The following BBS9 variants were observed in gnomAD, a reference collection of about 807,000 sequenced individuals.
The protein encoded by BBS9 is protein PTHB1.
BBS9 carries 89 observed loss-of-function variants against 117.7 expected under a neutral mutation model. The observed-to-expected ratio is 0.76, with a 90% confidence interval of 0.64 to 0.90. The LOEUF is 0.90. BBS9 is among the 40% of genes least tolerant of loss of function. The pLI, the probability that BBS9 is intolerant of heterozygous loss-of-function variation, is 0.00. For missense variants in BBS9, 982 were observed against 1,042.2 expected (o/e 0.94, Z 0.80); for synonymous variants, 379 against 370.9 (o/e 1.02, Z -0.25).
chr7:33,523,198 T>A (rs1848915679), intron 20 of BBS9, among the ~76,000 whole-genome samples: 1 of 147,984 alleles, frequency 6.8e-6, no homozygotes, highest in Non-Finnish European at 1.5e-5. Flanking sequence ...TCCAGCTTTG[T>A]TCTTTTGGCT....
chr7:33,343,173 T>TA (rs891755540), intron 11 of BBS9, among the ~76,000 whole-genome samples: 12 of 152,042 alleles, frequency 7.9e-5, no homozygotes, highest in Admixed American at 5.9e-4. Context: ...ATACTTCAAG[T>TA]AAAAAAACGC....
intron 13 of BBS9, among the ~76,000 whole-genome samples, chr7:33,350,517 A>T (rs1057129217): frequency 1.2e-4 from 19 of 152,198 alleles, no homozygotes; most frequent in African/African-American, 4.1e-4. Flanking sequence ...TTAAGTGGCT[A>T]CTGTGTAACA....
intron 19 of BBS9, among the ~76,000 whole-genome samples, chr7:33,444,899 C>A (rs575645445): frequency 6.6e-6 from 1 of 152,114 alleles, no homozygotes; most frequent in Admixed American, 6.5e-5. Flanking sequence ...GAAAATTTTG[C>A]GAAAGCTCTT....
intron 5 of BBS9, among the ~76,000 whole-genome samples, chr7:33,182,639 AT>A (rs538962493): frequency 1.5e-3 from 223 of 152,274 alleles, no homozygotes; most frequent in African/African-American, 5.0e-3. Flanking sequence ...TATAGTCTTA[AT>A]TTTTTTATAA....
chr7:33,537,004 C>T (rs898470805), intron 21 of BBS9, among the ~76,000 whole-genome samples: 2 of 151,884 alleles, frequency 1.3e-5, no homozygotes, highest in Non-Finnish European at 2.9e-5. Flanking sequence ...GACTGGATTA[C>T]TGAATAAGCA....
chr7:33,581,506 G>C (rs1479435259), intron 21 of BBS9, among the ~76,000 whole-genome samples: 3 of 152,052 alleles, frequency 2.0e-5, no homozygotes, highest in Non-Finnish European at 4.4e-5. Context: ...GTGCAAGAAG[G>C]CTCATGTAAC....
intron 5 of BBS9, among the ~76,000 whole-genome samples, chr7:33,230,378 T>A (rs1792120461): frequency 6.6e-6 from 1 of 152,184 alleles, no homozygotes; most frequent in Admixed American, 6.5e-5. Context: ...AGTTTTATAG[T>A]TCCTGGTCTT....
chr7:33,420,688 T>A (rs1832728678), intron 19 of BBS9, among the ~76,000 whole-genome samples: 1 of 152,080 alleles, frequency 6.6e-6, no homozygotes, highest in Non-Finnish European at 1.5e-5. Context: ...CCATGGAAAC[T>A]TTTCCTGTGA....
intron 21 of BBS9, among the ~76,000 whole-genome samples, chr7:33,599,541 G>C (rs1342648606): frequency 1.3e-5 from 2 of 152,122 alleles, no homozygotes; most frequent in Non-Finnish European, 2.9e-5. Flanking sequence ...TTAACACAAA[G>C]GGCCATATAC....
At chr7:33,527,343 C>T (rs1585132699) in intron 20 of BBS9, among the ~76,000 whole-genome samples, 2 of 152,146 alleles carry the variant, frequency 1.3e-5, no homozygotes, top group Admixed American at 1.3e-4. Context: ...GCCCCTCCCC[C>T]AGCCTCGCTG....
At chr7:33,574,364 A>G (rs1295076376) in intron 21 of BBS9, among the ~76,000 whole-genome samples, 1 of 152,114 alleles carries the variant, frequency 6.6e-6, no homozygotes, top group Non-Finnish European at 1.5e-5. Context: ...TGTGCTGGCC[A>G]CTTTTTAAGC....
intron 4 of BBS9, among the ~76,000 whole-genome samples, chr7:33,162,595 T>G (rs1165685086): frequency 2.6e-5 from 4 of 152,052 alleles, no homozygotes; most frequent in Non-Finnish European, 5.9e-5. Flanking sequence ...TTGTAACAGT[T>G]GTGAATGGGA....
intron 9 of BBS9, among the ~76,000 whole-genome samples, chr7:33,318,001 G>C (rs1431257994): frequency 2.6e-5 from 4 of 152,050 alleles, no homozygotes; most frequent in Non-Finnish European, 4.4e-5. Flanking sequence ...GCAGTGAGTC[G>C]AGATCACACC....
At chr7:33,305,417 T>C (rs762153197) in intron 9 of BBS9, among the ~76,000 whole-genome samples, 4 of 152,228 alleles carry the variant, frequency 2.6e-5, no homozygotes, top group Non-Finnish European at 5.9e-5. Flanking sequence ...AGATTAATAC[T>C]GGACTTGTAG....
At chr7:33,151,097 C>A (rs1793234778) in intron 2 of BBS9, among the ~76,000 whole-genome samples, 1 of 152,054 alleles carries the variant, frequency 6.6e-6, no homozygotes, top group Non-Finnish European at 1.5e-5. Flanking sequence ...ACAAAAAATA[C>A]AAAAATTAGC....
intron 10 of BBS9, among the ~76,000 whole-genome samples, chr7:33,339,965 T>C (rs1289415647): frequency 6.6e-6 from 1 of 151,434 alleles, no homozygotes; most frequent in Non-Finnish European, 1.5e-5. Context: ...GCCAATAGTT[T>C]GATATGTATA....
At chr7:33,497,330 G>T (rs1334563086) in intron 19 of BBS9, among the ~76,000 whole-genome samples, 1 of 152,086 alleles carries the variant, frequency 6.6e-6, no homozygotes, top group Non-Finnish European at 1.5e-5. Context: ...AAATATAGTT[G>T]CACTATATCT....
chr7:33,295,421 T>C (rs1805054142), intron 9 of BBS9, among the ~76,000 whole-genome samples: 1 of 46,936 alleles, frequency 2.1e-5, no homozygotes, highest in Non-Finnish European at 4.7e-5. Context: ...AATTAAGAAA[T>C]AATTTTTTAA....
intron 19 of BBS9, among the ~76,000 whole-genome samples, chr7:33,488,344 A>AC (rs11370560): frequency 0.78 from 118,840 of 152,092 alleles, 47,331 homozygotes; most frequent in African/African-American, 0.94. Flanking sequence ...CTTCCCTGTA[A>AC]CTTGACATTT....
Sources: allele counts gnomAD v4.1 joint callset (sites outside exome capture counted in the v4.1 genomes callset), GRCh38; gene constraint gnomAD v4.1.1; transcripts MANE v1.5; gene names NCBI Gene and HGNC (gene_info 2026-07-23, HGNC 2026-07-21).